The following BNC2 variants were observed in gnomAD, a reference collection of about 807,000 sequenced individuals.
The protein encoded by BNC2 is zinc finger protein basonuclin-2.
A neutral mutation model predicts 76.3 loss-of-function variants in BNC2; 20 were observed. That is an observed-to-expected ratio of 0.26 (90% CI 0.18 to 0.38). The LOEUF is 0.38. Among genes scored for constraint, BNC2 ranks in the 10% least tolerant of loss-of-function variants. The pLI is 1.00. For missense variants in BNC2, 1,382 were observed against 1,399.8 expected, an observed-to-expected ratio of 0.99 and a Z score of 0.20; for synonymous variants, 582 against 514.8, an observed-to-expected ratio of 1.13 and a Z score of -1.77.
At chr9:16,492,712 G>T (rs1417050102) in intron 5 of BNC2, among the ~76,000 whole-genome samples, 1 of 149,528 alleles carries the variant, frequency 6.7e-6, no homozygotes, top group South Asian at 2.1e-4. Context: ...GGGTGGTAAA[G>T]GCCTGCCCAT....
At chr9:16,605,845 G>C (rs551128009) in intron 3 of BNC2, among the ~76,000 whole-genome samples, 46 of 135,354 alleles carry the variant, frequency 3.4e-4, no homozygotes, top group African/African-American at 1.3e-3. Flanking sequence ...CTGGAGCATA[G>C]TGGCACAACC....
chr9:16,588,461 T>C (rs924630030), intron 3 of BNC2, among the ~76,000 whole-genome samples: 37 of 152,094 alleles, frequency 2.4e-4, no homozygotes, highest in African/African-American at 8.9e-4. Flanking sequence ...TTCAGAAACG[T>C]TTATGTGTTT....
intron 3 of BNC2, among the ~76,000 whole-genome samples, chr9:16,701,084 A>C (rs10123172): frequency 6.6e-6 from 1 of 152,120 alleles, no homozygotes; most frequent in East Asian, 1.9e-4. Context: ...TGGGGTGTGG[A>C]GGTATTAGGC....
intron 3 of BNC2, among the ~76,000 whole-genome samples, chr9:16,607,046 C>G (rs567849810): frequency 6.6e-6 from 1 of 152,080 alleles, no homozygotes; most frequent in Non-Finnish European, 1.5e-5. Flanking sequence ...CTCCTGGGCT[C>G]GGGCGATCTT....
chr9:16,479,243 C>A (rs1250650641), intron 5 of BNC2, among the ~76,000 whole-genome samples: 2 of 132,588 alleles, frequency 1.5e-5, no homozygotes, highest in African/African-American at 6.5e-5. Context: ...GAACGAGACT[C>A]TGTCTCAAAA....
Position 16,437,019 on chromosome 9 carries a change from T to C in BNC2, c.1175A>G (p.Asn392Ser). Residue 392 changes from asparagine to serine, a missense_variant, in exon 6 of 7, where the codon AAT (asparagine) becomes AGT (serine). Around this residue, in one of 3 missense-constraint regions of BNC2, gnomAD observed 557 missense variants for 540.9 expected, o/e 1.03. Transcript: ENST00000380672. ...GGCTGGCTCGGTTTTGGGCTCCACATTAGTAATGCTGGTCAGGGCATTTCT... is the reference window on the plus strand; with the variant it reads ...GGCTGGCTCGGTTTTGGGCTCCACACTAGTAATGCTGGTCAGGGCATTTCT... ...PNRNALTSIT[N>S]VEPKTEPACV... 2.5e-6 allele frequency: 4 copies of C among 1,614,166 alleles called. No homozygotes were observed. The highest frequency in any genetic ancestry group is 3.4e-6 in the Non-Finnish European group (4 of 1,180,032).
chr9:16,732,063 G>C (rs535950506), intron 2 of BNC2, among the ~76,000 whole-genome samples: 1 of 149,564 alleles, frequency 6.7e-6, no homozygotes, highest in Non-Finnish European at 1.5e-5. Flanking sequence ...TGTTAGCTCT[G>C]TAAGCAATAA....
intron 1 of BNC2, among the ~76,000 whole-genome samples, chr9:16,817,129 T>C (rs1434750202): frequency 1.3e-5 from 2 of 152,154 alleles, no homozygotes; most frequent in Non-Finnish European, 1.5e-5. Context: ...CTTAAAAATC[T>C]CTTTGACTTG....
chr9:16,758,572 G>C (rs1825460844), intron 1 of BNC2, among the ~76,000 whole-genome samples: 1 of 152,050 alleles, frequency 6.6e-6, no homozygotes, highest in Non-Finnish European at 1.5e-5. Flanking sequence ...CTCATGATCT[G>C]TCCACCTCGG....
intron 3 of BNC2, among the ~76,000 whole-genome samples, chr9:16,718,741 T>C (rs1824061903): frequency 6.6e-6 from 1 of 152,156 alleles, no homozygotes; most frequent in Non-Finnish European, 1.5e-5. Flanking sequence ...TACAACAAGA[T>C]TCTTAGGATG....
chr9:16,633,600 C>T (rs1180897614), intron 3 of BNC2, among the ~76,000 whole-genome samples: 5 of 152,112 alleles, frequency 3.3e-5, no homozygotes, highest in African/African-American at 1.2e-4. Flanking sequence ...CAACTAAAAC[C>T]ATTCAAAAGT....
intron 5 of BNC2, among the ~76,000 whole-genome samples, chr9:16,469,440 A>T (rs577468547): frequency 6.6e-6 from 1 of 152,272 alleles, no homozygotes; most frequent in South Asian, 2.1e-4. Flanking sequence ...TCTTGCTGTC[A>T]CTATGTAAGC....
intron 3 of BNC2, among the ~76,000 whole-genome samples, chr9:16,724,350 G>T (rs1824251523): frequency 6.6e-6 from 1 of 151,512 alleles, no homozygotes; most frequent in Non-Finnish European, 1.5e-5. Context: ...AAAAAACTTT[G>T]AAAAGCAAGC....
At chr9:16,420,290 A>G (rs1820683585) in intron 6 of BNC2, among the ~76,000 whole-genome samples, 1 of 152,196 alleles carries the variant, frequency 6.6e-6, no homozygotes, top group South Asian at 2.1e-4. Flanking sequence ...ACTGTCTTTT[A>G]ACAACACGAA....
chr9:16,538,040 T>C (rs946408672), intron 5 of BNC2, among the ~76,000 whole-genome samples: 29 of 152,222 alleles, frequency 1.9e-4, no homozygotes, highest in Admixed American at 9.2e-4. Context: ...ATAATTTTGA[T>C]ACTCCAGACG....
intron 1 of BNC2, among the ~76,000 whole-genome samples, chr9:16,761,977 G>A (rs1825563715): frequency 6.6e-6 from 1 of 152,174 alleles, no homozygotes; most frequent in Admixed American, 6.5e-5. Context: ...AAATTAAAAA[G>A]AATGAACATG....
chr9:16,756,801 A>G (rs977164903), intron 1 of BNC2, among the ~76,000 whole-genome samples: 2 of 152,158 alleles, frequency 1.3e-5, no homozygotes, highest in African/African-American at 2.4e-5. Flanking sequence ...TATCCTGGCT[A>G]ACACAGTGAA....
At chr9:16,449,970 G>A (rs1467455668) in intron 5 of BNC2, among the ~76,000 whole-genome samples, 2 of 151,932 alleles carry the variant, frequency 1.3e-5, no homozygotes, top group South Asian at 2.1e-4. Flanking sequence ...CAAATTAAAC[G>A]GGTTAGGTAT....
At chr9:16,672,630 A>G (rs1169460989) in intron 3 of BNC2, among the ~76,000 whole-genome samples, 1 of 152,234 alleles carries the variant, frequency 6.6e-6, no homozygotes, top group Non-Finnish European at 1.5e-5. Flanking sequence ...TAATCCTAAA[A>G]GAACATTGTT....
Sources: gnomAD v4.1 joint callset for allele counts (sites outside exome capture counted in the v4.1 genomes callset) on GRCh38, gnomAD v4.1.1 for gene constraint, gnomAD v4.1.1 regional missense constraint, MANE v1.5 for transcripts, NCBI Gene and HGNC (gene_info 2026-07-23, HGNC 2026-07-21) for gene names.